ST8SIA6: variants seen among roughly 807,000 people sequenced by gnomAD.
ST8SIA6 encodes alpha-2,8-sialyltransferase 8F.
In ST8SIA6, 39 loss-of-function variants were observed where a neutral mutation model predicts 33.6. The ratio of observed to expected loss-of-function variants is 1.16; its 90% CI spans 0.90 to 1.52. ST8SIA6 has a LOEUF of 1.52. Ranked by LOEUF, ST8SIA6 falls within the 40% of genes most tolerant of loss-of-function variation. The pLI, the probability that ST8SIA6 is intolerant of heterozygous loss-of-function variation, is 0.00. For synonymous variants in ST8SIA6, 172 were observed against 167.2 expected (o/e 1.03, Z -0.22); for missense variants, 441 against 443.8 (o/e 0.99, Z 0.06).
At chr10:17,399,329 A>G (rs1417541512) in intron 2 of ST8SIA6, 2 of 152,238 alleles carry the variant, frequency 1.3e-5, no homozygotes, top group African/African-American at 4.8e-5. Flanking sequence ...AAAGCCGGCT[A>G]TCTTCCATAA....
rs146250262 is a variant in ST8SIA6 at position 17,368,385 on chromosome 10, C to A, written c.291-8785G>T. 9.6e-3 allele frequency among the ~76,000 whole-genome samples: 1,025 copies of A among 107,276 alleles called. 14 individuals are homozygous for A. Among genetic ancestry groups the A allele is most frequent in the African/African-American group, 0.036 (987 of 27,788 alleles). The allele number at this position is 107,276 out of a possible 152,430, so 70.4% of individuals were successfully genotyped here. ...TCGCACCATTGTACTCCAGCCTGGG[C>A]AACAAGAGTGAAGCTCTGTCTCAAA... On this transcript the variant is annotated intron_variant, in intron 3 of 7. Transcript: ENST00000377602.
At chr10:17,430,493 C>T (rs1205460260) in intron 2 of ST8SIA6, among the ~76,000 whole-genome samples, 1 of 152,206 alleles carries the variant, frequency 6.6e-6, no homozygotes, top group Non-Finnish European at 1.5e-5. Flanking sequence ...TACTAATTTG[C>T]ATTCCCACCA....
chr10:17,322,885 A>T (rs927130338), intron 7 of ST8SIA6, among the ~76,000 whole-genome samples, 180 bp downstream of exon 7: 1 of 152,236 alleles, frequency 6.6e-6, no homozygotes, highest in African/African-American at 2.4e-5. Flanking sequence ...CATAACTCTT[A>T]GGAAAAACGA....
At chr10:17,361,544 A>G (rs1849390631) in intron 3 of ST8SIA6, among the ~76,000 whole-genome samples, 1 of 151,292 alleles carries the variant, frequency 6.6e-6, no homozygotes, top group African/African-American at 2.4e-5. Flanking sequence ...ACACACACAC[A>G]CACACACGGC....
chr10:17,347,409 GAC>G (rs1444993477), intron 4 of ST8SIA6, among the ~76,000 whole-genome samples: 4 of 152,096 alleles, frequency 2.6e-5, no homozygotes, highest in African/African-American at 9.7e-5. Context: ...TGACTTCTCT[GAC>G]ACACAGAGTA....
chr10:17,452,192 G>T (rs1275751468), intron 2 of ST8SIA6, among the ~76,000 whole-genome samples: 1 of 152,176 alleles, frequency 6.6e-6, no homozygotes, highest in Non-Finnish European at 1.5e-5. Flanking sequence ...AAAAGCTTTT[G>T]TTACTCCAGG....
At chr10:17,425,644 A>AGAAAGGAG (rs1554801309) in intron 2 of ST8SIA6, among the ~76,000 whole-genome samples, 2 of 146,786 alleles carry the variant, frequency 1.4e-5, no homozygotes, top group South Asian at 4.6e-4. Context: ...AGAGGAAGAA[A>AGAAAGGAG]GGAGGGAGGG....
chr10:17,401,373 A>T (rs10752084), intron 2 of ST8SIA6, among the ~76,000 whole-genome samples: 86,316 of 152,004 alleles, frequency 0.57, 25,525 homozygotes, highest in African/African-American at 0.71. Context: ...ATTTATAGAT[A>T]CAGTGTCATC....
chr10:17,333,686 T>TATATATAG (rs1848377690), intron 4 of ST8SIA6, among the ~76,000 whole-genome samples: 1 of 19,352 alleles, frequency 5.2e-5, no homozygotes, highest in Non-Finnish European at 9.5e-5. Flanking sequence ...TATATATATA[T>TATATATAG]ATATATATAT....
At chr10:17,350,245 T>C (rs1246271367) in intron 4 of ST8SIA6, among the ~76,000 whole-genome samples, 3 of 152,210 alleles carry the variant, frequency 2.0e-5, no homozygotes, top group South Asian at 4.1e-4. Context: ...AGAGTAGGTA[T>C]AGACAGCTCC....
intron 3 of ST8SIA6, among the ~76,000 whole-genome samples, chr10:17,361,965 A>G (rs1028238758): frequency 2.6e-5 from 4 of 152,244 alleles, no homozygotes; most frequent in African/African-American, 9.6e-5. Flanking sequence ...ACATTCAGCA[A>G]TGACAAAAAC....
intron 2 of ST8SIA6, among the ~76,000 whole-genome samples, chr10:17,401,409 T>G (rs1383630542): frequency 6.6e-6 from 1 of 152,206 alleles, no homozygotes; most frequent in East Asian, 1.9e-4. Flanking sequence ...ATGACTTTCT[T>G]CACAGAATTG....
intron 2 of ST8SIA6, among the ~76,000 whole-genome samples, chr10:17,451,805 T>G (rs1235931925): frequency 2.0e-5 from 3 of 151,968 alleles, no homozygotes; most frequent in Non-Finnish European, 2.9e-5. Flanking sequence ...TCATAAATGA[T>G]AAAGGGGACA....
At chr10:17,324,889 T>A (rs1848073836) in intron 6 of ST8SIA6, among the ~76,000 whole-genome samples, 1 of 146,824 alleles carries the variant, frequency 6.8e-6, no homozygotes, top group Non-Finnish European at 1.5e-5. Context: ...TATATGTATA[T>A]TATATATAAC....
At position 17,316,384 on chromosome 10, in the gene ST8SIA6, AAGTT is replaced by A. The variant is rs1847776381; in HGVS notation, c.*4490_*4493del. On this transcript the variant is annotated 3_prime_UTR_variant, in exon 8 of 8. Transcript: ENST00000377602. ...CATATTCCACACTATGGATCCAGTC[AAGTT>A]AGTTCACTGACTTCCGAAGAGACAG... Among the ~76,000 whole-genome samples the A allele has an allele frequency of 6.6e-6, 1 of 152,094 alleles. No homozygotes were observed. The highest frequency in any genetic ancestry group is 1.5e-5 in the Non-Finnish European group (1 of 67,968).
At chr10:17,399,758 C>G (rs1330099427) in intron 2 of ST8SIA6, among the ~76,000 whole-genome samples, 1 of 151,606 alleles carries the variant, frequency 6.6e-6, no homozygotes, top group African/African-American at 2.4e-5. Context: ...TCTCTATATA[C>G]AATTTAAAAA....
At chr10:17,448,783 T>A (rs1244802805) in intron 2 of ST8SIA6, among the ~76,000 whole-genome samples, 2 of 81,864 alleles carry the variant, frequency 2.4e-5, no homozygotes, top group Admixed American at 2.3e-4. Context: ...GCCAGGCTAA[T>A]TTTTTTTTTT....
At chr10:17,372,444 A>G (rs905279900) in intron 3 of ST8SIA6, among the ~76,000 whole-genome samples, 1 of 152,240 alleles carries the variant, frequency 6.6e-6, no homozygotes, top group South Asian at 2.1e-4. Flanking sequence ...TTAGAATTTT[A>G]TCCAAATCCC....
intron 2 of ST8SIA6, among the ~76,000 whole-genome samples, chr10:17,437,923 G>A (rs545607082): frequency 6.6e-6 from 1 of 151,940 alleles, no homozygotes; most frequent in Non-Finnish European, 1.5e-5. Flanking sequence ...TAGAGATGGG[G>A]TTTCACCATA....
Sources: allele counts gnomAD v4.1 joint callset (sites outside exome capture counted in the v4.1 genomes callset), GRCh38; gene constraint gnomAD v4.1.1; transcripts MANE v1.5; gene names NCBI Gene and HGNC (gene_info 2026-07-23, HGNC 2026-07-21).